The following RANBP17 variants were observed in gnomAD, a reference collection of about 807,000 sequenced individuals.
RANBP17 encodes the protein RAN binding protein 17.
A neutral mutation model predicts 141.2 loss-of-function variants in RANBP17; 158 were observed. The observed-to-expected ratio is 1.12, with a 90% CI of 0.98 to 1.28. The LOEUF (loss-of-function observed/expected upper bound fraction) is 1.28. RANBP17 is among the 50% of genes most tolerant of loss of function. The pLI is 0.00. For missense variants in RANBP17, 1,438 were observed against 1,290.7 expected, an observed-to-expected ratio of 1.11 and a Z score of -1.75; for synonymous variants, 430 against 450.0, an observed-to-expected ratio of 0.96 and a Z score of 0.56.
intron 1 of RANBP17, 60 bp downstream of exon 1, chr5:170,862,111 G>C (rs1463783114): frequency 1.4e-6 from 2 of 1,403,476 alleles, no homozygotes; most frequent in Non-Finnish European, 1.8e-6. Flanking sequence ...GGCGGGACGC[G>C]TCTGGAGACC....
At chr5:171,266,635 C>G (rs1282286557) in intron 25 of RANBP17, among the ~76,000 whole-genome samples, 1 of 152,014 alleles carries the variant, frequency 6.6e-6, no homozygotes, top group African/African-American at 2.4e-5. Flanking sequence ...AAGATTTAGG[C>G]CAGGCACGGT....
At chr5:171,000,997 C>G (rs1453859380) in intron 14 of RANBP17, among the ~76,000 whole-genome samples, 1 of 152,108 alleles carries the variant, frequency 6.6e-6, no homozygotes, top group Non-Finnish European at 1.5e-5. Flanking sequence ...GTGCAGGTCA[C>G]GGGATATGAT....
intron 14 of RANBP17, among the ~76,000 whole-genome samples, chr5:171,036,603 T>TA (rs1301949534): frequency 2.6e-5 from 4 of 152,168 alleles, no homozygotes; most frequent in Non-Finnish European, 4.4e-5. Flanking sequence ...TTTCTCCCTC[T>TA]AGCAGTCCGC....
At position 170,878,179 on chromosome 5, in the gene RANBP17, T is replaced by C. The variant is rs764374471; in HGVS notation, c.101T>C (p.Leu34Pro). The change falls in exon 2 of 28, where the codon CTC (leucine) becomes CCC (proline). Residue 34 changes from leucine (L) to proline (P), a missense_variant. Leu to Pro is a moderately conservative substitution (Grantham distance 98). Transcript: ENST00000523189. ...CAAAGAATAGAGGCTGAGAAAGCAC[T>C]CTTGGAACTTATTGACAGTCCAGAA... is the stretch of plus-strand genomic sequence containing the variant. ...LTQRIEAEKA[L>P]LELIDSPECL... The C allele has an allele frequency of 1.2e-6, 2 of 1,613,248 alleles. No homozygotes were observed. The highest frequency in any genetic ancestry group is 2.2e-5 in the South Asian group (2 of 90,870).
intron 12 of RANBP17, among the ~76,000 whole-genome samples, chr5:170,937,612 A>C (rs1159506817): frequency 3.3e-5 from 5 of 152,192 alleles, no homozygotes; most frequent in African/African-American, 4.8e-5. Context: ...TGCTAGAGTA[A>C]ATAGATTGGT....
chr5:171,028,239 GAC>G lies in RANBP17; in HGVS notation c.1710+59866_1710+59867del, dbSNP rs1781345087. On this transcript the variant is annotated intron_variant, in intron 14 of 27. Coordinates refer to ENST00000523189, the MANE Select transcript of RANBP17 (RefSeq NM_022897.5). ...TAATGTTGTTCATATGTGTAAGAAAGACACATTATATTTTAAAATATAGATTC... is the reference window on the plus strand; with the variant it reads ...TAATGTTGTTCATATGTGTAAGAAAGACATTATATTTTAAAATATAGATTC... 1.3e-5 allele frequency among the ~76,000 whole-genome samples: 2 copies of G among 151,954 alleles called. 1 individual carries two copies. The highest frequency in any genetic ancestry group is 4.2e-4 in the South Asian group (2 of 4,816).
At chr5:170,877,734 G>A (rs1201436765) in intron 1 of RANBP17, among the ~76,000 whole-genome samples, 3 of 152,058 alleles carry the variant, frequency 2.0e-5, no homozygotes. Flanking sequence ...GAAGGACCCT[G>A]GTAAATGTTC....
At chr5:171,226,286 A>G (rs1185390597) in intron 22 of RANBP17, among the ~76,000 whole-genome samples, 1 of 152,128 alleles carries the variant, frequency 6.6e-6, no homozygotes, top group Non-Finnish European at 1.5e-5. Context: ...GGGTCCTGGT[A>G]TCTTTAGTGA....
chr5:170,930,958 T>C (rs912826545), intron 12 of RANBP17, among the ~76,000 whole-genome samples: 7 of 152,236 alleles, frequency 4.6e-5, no homozygotes, highest in Non-Finnish European at 8.8e-5. Flanking sequence ...ATGTTATTTC[T>C]AGTTCTAGAT....
At chr5:171,271,520 G>T in intron 25 of RANBP17, 1 of 211,032 alleles carries the variant, frequency 4.7e-6, no homozygotes, top group Non-Finnish European at 9.6e-6. Flanking sequence ...ATGAAATACA[G>T]TCATATCTCT....
At chr5:171,098,777 T>G (rs893792083) in intron 14 of RANBP17, among the ~76,000 whole-genome samples, 10 of 152,110 alleles carry the variant, frequency 6.6e-5, no homozygotes, top group Non-Finnish European at 1.0e-4. Context: ...TTAGGTCTTA[T>G]GTTTAAATCT....
chr5:171,169,728 T>A (rs1459239535), intron 14 of RANBP17, among the ~76,000 whole-genome samples: 1 of 152,100 alleles, frequency 6.6e-6, no homozygotes, highest in East Asian at 1.9e-4. Context: ...AATATTTTGC[T>A]GAAATCTAGA....
intron 24 of RANBP17, among the ~76,000 whole-genome samples, chr5:171,246,096 G>T (rs984090554): frequency 1.3e-5 from 2 of 151,980 alleles, no homozygotes; most frequent in Non-Finnish European, 2.9e-5. Flanking sequence ...GGTCAGGCTG[G>T]TCTCAAACTC....
chr5:170,980,540 T>C (rs553980316), intron 14 of RANBP17, among the ~76,000 whole-genome samples: 1 of 152,274 alleles, frequency 6.6e-6, no homozygotes, highest in South Asian at 2.1e-4. Flanking sequence ...GCTCCAGCTG[T>C]GGCTGAAAGG....
At chr5:170,950,693 T>C (rs1161283520) in intron 12 of RANBP17, among the ~76,000 whole-genome samples, 2 of 151,958 alleles carry the variant, frequency 1.3e-5, no homozygotes, top group Non-Finnish European at 1.5e-5. Context: ...AAATGAAAAA[T>C]AGAACTACCG....
intron 16 of RANBP17, among the ~76,000 whole-genome samples, chr5:171,179,910 G>A (rs1204731619): frequency 6.6e-6 from 1 of 152,070 alleles, no homozygotes; most frequent in Non-Finnish European, 1.5e-5. Context: ...TAAGAAAGCA[G>A]TTCATTCTCA....
At chr5:171,278,923 G>A (rs1372345428) in intron 25 of RANBP17, among the ~76,000 whole-genome samples, 2 of 152,124 alleles carry the variant, frequency 1.3e-5, no homozygotes, top group African/African-American at 2.4e-5. Context: ...TTTGAAAAAC[G>A]ATATGCAGGT....
chr5:171,251,834 C>A (rs1320903837), intron 24 of RANBP17: 13 of 1,290,880 alleles, frequency 1.0e-5, no homozygotes, highest in Non-Finnish European at 1.5e-5. Context: ...ATGACAGTCT[C>A]CAAATTCGCT....
intron 16 of RANBP17, among the ~76,000 whole-genome samples, chr5:171,173,690 G>A (rs1039453223): frequency 6.6e-6 from 1 of 152,110 alleles, no homozygotes; most frequent in Non-Finnish European, 1.5e-5. Flanking sequence ...AGTAGTCTCA[G>A]ACTTTAGTGA....
Sources: allele counts gnomAD v4.1 joint callset (sites outside exome capture counted in the v4.1 genomes callset), GRCh38; gene constraint gnomAD v4.1.1; transcripts MANE v1.5; gene names NCBI Gene and HGNC (gene_info 2026-07-23, HGNC 2026-07-21).